The following ABCB7 variants were observed in gnomAD, a reference collection of about 807,000 sequenced individuals.
The protein encoded by ABCB7 is iron-sulfur clusters transporter ABCB7, mitochondrial.
A neutral mutation model predicts 54.4 loss-of-function variants in ABCB7; 7 were observed. The ratio of observed to expected loss-of-function variants is 0.13; its 90% CI spans 0.07 to 0.24. The LOEUF (loss-of-function observed/expected upper bound fraction) is 0.24, where lower values mean the gene tolerates loss of function less well. Ranked by LOEUF, ABCB7 falls within the 10% of genes least tolerant of loss-of-function variation. ABCB7 has a pLI of 1.00. For missense variants in ABCB7, 356 were observed against 570.4 expected, an observed-to-expected ratio of 0.62 and a Z score of 3.83; for synonymous variants, 218 against 207.1, an observed-to-expected ratio of 1.05 and a Z score of -0.45.
At chrX:75,098,500 G>GT (rs1000740033) in intron 4 of ABCB7, among the ~76,000 whole-genome samples, 10 of 110,464 alleles carry the variant, frequency 9.1e-5, no homozygotes, top group East Asian at 2.8e-4. Flanking sequence ...GTTTTGTTTT[G>GT]TTTTTTTAGC....
At chrX:75,088,176 A>T (rs1326057039) in intron 4 of ABCB7, among the ~76,000 whole-genome samples, 1 of 112,289 alleles carries the variant, frequency 8.9e-6, no homozygotes, top group Non-Finnish European at 1.9e-5. Flanking sequence ...ACCTACAGCT[A>T]CAGCTAACAC....
intron 1 of ABCB7, among the ~76,000 whole-genome samples, chrX:75,115,212 G>A (rs1475294298): frequency 1.1e-5 from 1 of 89,105 alleles, no homozygotes; most frequent in Non-Finnish European, 2.1e-5. Flanking sequence ...AGGCTGCAGT[G>A]AGCCGAGATC....
At chrX:75,120,636 T>G (rs1369333724) in intron 1 of ABCB7, among the ~76,000 whole-genome samples, 1 of 110,569 alleles carries the variant, frequency 9.0e-6, no homozygotes, top group Non-Finnish European at 1.9e-5. Flanking sequence ...AAATAAACTG[T>G]TTTATTTTGC....
At chrX:75,067,105 A>G (rs990064260) in intron 12 of ABCB7, among the ~76,000 whole-genome samples, 2 of 111,932 alleles carry the variant, frequency 1.8e-5, no homozygotes, top group African/African-American at 6.5e-5. Flanking sequence ...CACACTGCCA[A>G]TTTGCTTGTC....
chrX:75,154,514 C>T (rs1422717435), intron 1 of ABCB7, among the ~76,000 whole-genome samples: 2 of 112,013 alleles, frequency 1.8e-5, no homozygotes, highest in Non-Finnish European at 3.8e-5. Flanking sequence ...TTAATGAAAT[C>T]ATCTAGATTC....
chrX:75,121,002 A>G lies in ABCB7; in HGVS notation c.169-6171T>C, dbSNP rs187452024. 3.1e-3 allele frequency among the ~76,000 whole-genome samples: 340 copies of G among 110,447 alleles called. 2 individuals are homozygous for G. Among genetic ancestry groups the G allele is most frequent in the South Asian group, 0.011 (27 of 2,564 alleles). On this transcript the variant is annotated intron_variant, in intron 1 of 15. Transcript: ENST00000373394. ...CCATCAAAGCCAATTTAAAAAGCCT[A>G]TGTAGGCTGGGCATGGTGGCTCACA...
chrX:75,071,730 A>T, intron 8 of ABCB7, 47 bp from the exon 9 acceptor site: 1 of 917,512 alleles, frequency 1.1e-6, no homozygotes, highest in Middle Eastern at 3.7e-4. Flanking sequence ...ATTAGAATTT[A>T]TTCTCTTAAG....
intron 1 of ABCB7, among the ~76,000 whole-genome samples, chrX:75,150,641 GT>G (rs1245236199): frequency 9.0e-6 from 1 of 111,250 alleles, no homozygotes; most frequent in Non-Finnish European, 1.9e-5. Flanking sequence ...ATTAGATGTG[GT>G]TTTGTATAAT....
In ABCB7 at chrX:75,053,118, A is replaced by C. The variant is rs927962278; in HGVS notation, c.*252T>G. 23 of 392,671 alleles carry C rather than the reference A, an allele frequency of 5.9e-5. No homozygotes were observed. Among genetic ancestry groups the C allele is most frequent in the African/African-American group, 5.6e-4 (22 of 39,624 alleles). The allele number at this position is 392,671 out of a possible 1,213,427, so 32.4% of individuals were successfully genotyped here. ...CAGGCCTCAAGAGGGTAATGTGGTA[A>C]TATCAAACAGGTAGCAAAAAGTATG... is the stretch of plus-strand genomic sequence containing the variant. On this transcript the variant is annotated 3_prime_UTR_variant, in exon 16 of 16. Coordinates refer to ENST00000373394, the MANE Select transcript of ABCB7 (RefSeq NM_001271696.3).
intron 4 of ABCB7, among the ~76,000 whole-genome samples, chrX:75,092,265 G>A (rs903078047): frequency 9.0e-6 from 1 of 110,598 alleles, no homozygotes; most frequent in African/African-American, 3.3e-5. Context: ...GCACAAAAAT[G>A]GACTCACAAA....
At chrX:75,054,057 G>C (rs972132445) in intron 15 of ABCB7, among the ~76,000 whole-genome samples, 9 of 112,012 alleles carry the variant, frequency 8.0e-5, no homozygotes, top group African/African-American at 2.9e-4. Flanking sequence ...AAAATGAAAA[G>C]TTTACTTCTT....
intron 1 of ABCB7, among the ~76,000 whole-genome samples, chrX:75,125,510 C>T (rs1425191307): frequency 8.9e-6 from 1 of 111,737 alleles, no homozygotes. Context: ...TTATTTGGGA[C>T]AATTTCTGAT....
chrX:75,151,539 T>A (rs2082132101), intron 1 of ABCB7, among the ~76,000 whole-genome samples: 1 of 111,937 alleles, frequency 8.9e-6, no homozygotes, highest in Non-Finnish European at 1.9e-5. Flanking sequence ...AATACAAATT[T>A]GTCCCATTAA....
chrX:75,149,309 A>G (rs1242247312), intron 1 of ABCB7, among the ~76,000 whole-genome samples: 1 of 112,234 alleles, frequency 8.9e-6, no homozygotes, highest in African/African-American at 3.2e-5. Context: ...TTATCTTAGC[A>G]AATGATGCTC....
intron 12 of ABCB7, among the ~76,000 whole-genome samples, chrX:75,066,062 CAAAT>C (rs1268172413): frequency 8.9e-6 from 1 of 111,765 alleles, no homozygotes; most frequent in Non-Finnish European, 1.9e-5. Context: ...AAACAGAAAA[CAAAT>C]AATTTATGCA....
chrX:75,115,136 C>CAG (rs2081799052), intron 1 of ABCB7, among the ~76,000 whole-genome samples: 1 of 107,108 alleles, frequency 9.3e-6, no homozygotes, highest in African/African-American at 3.4e-5. Flanking sequence ...GGCGTGGTGG[C>CAG]GTGCGCCTGT....
chrX:75,060,261 T>C lies in ABCB7; in HGVS notation c.2005A>G (p.Thr669Ala), dbSNP rs1320485451. Residue 669 changes from threonine to alanine, a missense_variant, in exon 15 of 16, where the codon ACA becomes GCA. By Grantham distance (58) the Thr-to-Ala change is moderately conservative. Around this residue, in one of 2 missense-constraint regions of ABCB7, gnomAD observed 241 missense variants for 470.9 expected, o/e 0.51. Transcript: ENST00000373394. ...TSIFIAHRLS[T>A]VVDADEIIVL... ...ATGATTTCATCTGCATCAACCACTG[T>C]TGACAATCTGTGTGCAATGAAAATA... 5 of 1,209,669 alleles carry C rather than the reference T, an allele frequency of 4.1e-6. No homozygotes were observed. The highest frequency in any genetic ancestry group is 3.0e-5 in the East Asian group (1 of 33,726).
At chrX:75,133,375 G>C (rs1225863318) in intron 1 of ABCB7, among the ~76,000 whole-genome samples, 2 of 111,739 alleles carry the variant, frequency 1.8e-5, no homozygotes, top group Non-Finnish European at 3.8e-5. Flanking sequence ...TGAAAGACAG[G>C]GAGAGAAAGC....
At chrX:75,118,746 C>T (rs1165596278) in intron 1 of ABCB7, among the ~76,000 whole-genome samples, 1 of 111,744 alleles carries the variant, frequency 8.9e-6, no homozygotes, top group African/African-American at 3.3e-5. Context: ...ATACTCAGCT[C>T]TGCTCTGCAG....
Sources: allele counts gnomAD v4.1 joint callset (sites outside exome capture counted in the v4.1 genomes callset), GRCh38; gene constraint gnomAD v4.1.1; regional missense constraint gnomAD v4.1.1; transcripts MANE v1.5; gene names NCBI Gene and HGNC (gene_info 2026-07-23, HGNC 2026-07-21).